SLC9A9: variants seen among roughly 807,000 people sequenced by gnomAD.
The protein encoded by SLC9A9 is solute carrier family 9 member A9.
In SLC9A9, 62 loss-of-function variants were observed where a neutral mutation model predicts 77.8. That is an observed-to-expected ratio of 0.80 (90% confidence interval 0.65 to 0.98). SLC9A9 has a LOEUF of 0.98. SLC9A9 is among the 50% of genes least tolerant of loss of function. The pLI is 0.00. For synonymous variants in SLC9A9, 320 were observed against 283.5 expected (o/e 1.13, Z -1.29); for missense variants, 775 against 774.9 (o/e 1.00, Z 0.00).
In SLC9A9 at chr3:143,652,309, G is replaced by A; in HGVS notation, c.701C>T (p.Thr234Ile). 6.2e-7 allele frequency: 1 copy of A among 1,613,438 alleles called. No individual in the cohort carries two copies. The highest frequency in any genetic ancestry group is 1.1e-5 in the South Asian group (1 of 90,892). The change falls in exon 6 of 16, where the codon ACA becomes ATA. Residue 234 changes from threonine (T) to isoleucine (I), a missense_variant. Coordinates refer to ENST00000316549, the MANE Select transcript of SLC9A9 (RefSeq NM_173653.4). ...HELHVDPDLY[T>I]LLFGESVLND... ...CAACACACTCTCTCCAAACAAGAGT[G>A]TGTACAGGTCAGGGTCGACGTGCAG...
intron 12 of SLC9A9, among the ~76,000 whole-genome samples, chr3:143,453,038 G>A (rs527993128): frequency 6.6e-6 from 1 of 152,062 alleles, no homozygotes; most frequent in South Asian, 2.1e-4. Context: ...AGGCAAGAAT[G>A]CGAAGTGAGC....
At chr3:143,665,743 A>G (rs1184528830) in intron 5 of SLC9A9, among the ~76,000 whole-genome samples, 1 of 152,248 alleles carries the variant, frequency 6.6e-6, no homozygotes, top group Non-Finnish European at 1.5e-5. Flanking sequence ...AGAAATGGAT[A>G]AATTCCTGGA....
intron 12 of SLC9A9, among the ~76,000 whole-genome samples, chr3:143,418,230 G>A (rs921671724): frequency 7.3e-5 from 11 of 151,584 alleles, no homozygotes; most frequent in African/African-American, 2.7e-4. Flanking sequence ...GAGGAAATAA[G>A]GAATCATAAC....
intron 13 of SLC9A9, among the ~76,000 whole-genome samples, chr3:143,366,275 T>A (rs1012665474): frequency 1.2e-4 from 18 of 152,222 alleles, no homozygotes; most frequent in Non-Finnish European, 8.8e-5. Flanking sequence ...TTTCAGTCAT[T>A]ATTTTTTCAA....
At chr3:143,455,451 T>C (rs1043139594) in intron 12 of SLC9A9, among the ~76,000 whole-genome samples, 7 of 152,220 alleles carry the variant, frequency 4.6e-5, no homozygotes. Context: ...ATCTACAAAA[T>C]GTCCTCCTGC....
chr3:143,426,982 C>A (rs756245381), intron 12 of SLC9A9, among the ~76,000 whole-genome samples: 2 of 152,218 alleles, frequency 1.3e-5, no homozygotes, highest in Non-Finnish European at 2.9e-5. Context: ...CCACACTTAA[C>A]AGCCGCTACA....
At chr3:143,776,224 T>G (rs1047209301) in intron 4 of SLC9A9, among the ~76,000 whole-genome samples, 3 of 152,226 alleles carry the variant, frequency 2.0e-5, no homozygotes, top group African/African-American at 2.4e-5. Flanking sequence ...TTTTAATACA[T>G]ATAATAGCAA....
At chr3:143,350,279 T>G (rs2032412127) in intron 14 of SLC9A9, among the ~76,000 whole-genome samples, 1 of 152,176 alleles carries the variant, frequency 6.6e-6, no homozygotes, top group Non-Finnish European at 1.5e-5. Flanking sequence ...ATACTTTTCC[T>G]TTCTATTCCC....
At chr3:143,517,131 C>T in intron 9 of SLC9A9, 3 of 1,554,550 alleles carry the variant, frequency 1.9e-6, no homozygotes, top group Non-Finnish European at 2.6e-6. Context: ...TACGCTTGAC[C>T]TCCAAATTTG....
intron 6 of SLC9A9, among the ~76,000 whole-genome samples, chr3:143,639,262 A>G (rs924237422): frequency 5.2e-4 from 79 of 152,324 alleles, no homozygotes; most frequent in East Asian, 3.9e-4. Context: ...AGATTATGTT[A>G]TTAGAAGCGA....
chr3:143,709,364 C>G (rs1483241300), intron 4 of SLC9A9, among the ~76,000 whole-genome samples: 1 of 151,984 alleles, frequency 6.6e-6, no homozygotes, highest in Non-Finnish European at 1.5e-5. Flanking sequence ...AATTAATACC[C>G]CTGGGGACTC....
chr3:143,697,714 A>ACACC (rs1244265028), intron 4 of SLC9A9, among the ~76,000 whole-genome samples: 92 of 140,446 alleles, frequency 6.6e-4, no homozygotes, highest in African/African-American at 2.2e-3. Flanking sequence ...ACACACACAC[A>ACACC]CCCCACATAC....
At chr3:143,331,880 G>T (rs2031782379) in intron 14 of SLC9A9, among the ~76,000 whole-genome samples, 2 of 152,134 alleles carry the variant, frequency 1.3e-5, no homozygotes, top group Admixed American at 6.5e-5. Context: ...TGGAGAGAGA[G>T]AAATTATATT....
At chr3:143,366,403 A>G (rs1005910906) in intron 13 of SLC9A9, among the ~76,000 whole-genome samples, 6 of 152,246 alleles carry the variant, frequency 3.9e-5, no homozygotes, top group Non-Finnish European at 8.8e-5. Context: ...AACAATTGGA[A>G]TTTTAGTCTA....
chr3:143,825,425 G>A (rs1576754440), intron 2 of SLC9A9, among the ~76,000 whole-genome samples: 3 of 145,170 alleles, frequency 2.1e-5, no homozygotes, highest in African/African-American at 5.0e-5. Flanking sequence ...AAAAAAAAAA[G>A]GACTTTGATT....
chr3:143,770,029 A>G (rs76259498), intron 4 of SLC9A9, among the ~76,000 whole-genome samples: 2,842 of 152,304 alleles, frequency 0.019, 88 homozygotes, highest in African/African-American at 0.063. Flanking sequence ...TCATGTTGAT[A>G]CTTTATCATT....
At chr3:143,767,035 A>G (rs985157199) in intron 4 of SLC9A9, among the ~76,000 whole-genome samples, 2 of 152,178 alleles carry the variant, frequency 1.3e-5, no homozygotes, top group African/African-American at 4.8e-5. Context: ...TAATACCACT[A>G]TGATCTGAGT....
chr3:143,336,124 T>C (rs77291765), intron 14 of SLC9A9, among the ~76,000 whole-genome samples: 2,997 of 152,272 alleles, frequency 0.02, 112 homozygotes, highest in African/African-American at 0.068. Flanking sequence ...TCAAAGAAGA[T>C]ATGCAAGTTA....
At position 143,266,718 on chromosome 3, in the gene SLC9A9, T is replaced by C. The variant is rs766340782; in HGVS notation, c.1922A>G (p.Gln641Arg). 1.2e-5 allele frequency: 19 copies of C among 1,614,188 alleles called. No homozygotes were observed. Among genetic ancestry groups the C allele is most frequent in the Non-Finnish European group, 1.6e-5 (19 of 1,180,034 alleles). The change falls in exon 16 of 16, where the codon CAA becomes CGA. Residue 641 changes from glutamine (Q) to arginine (R), a missense_variant. Physicochemically the swap from Gln to Arg is conservative, Grantham distance 43 (BLOSUM62 1). Coordinates refer to ENST00000316549, the MANE Select transcript of SLC9A9 (RefSeq NM_173653.4). ...YELKLEQTLG[Q>R]SQLN ...TCATGCCAATTAATTCAACTGGGATTGACCCAAAGTTTGCTCAAGCTTGAG... is the reference window on the plus strand; with the variant it reads ...TCATGCCAATTAATTCAACTGGGATCGACCCAAAGTTTGCTCAAGCTTGAG...
Sources: gnomAD v4.1 joint callset for allele counts (sites outside exome capture counted in the v4.1 genomes callset) on GRCh38, gnomAD v4.1.1 for gene constraint, MANE v1.5 for transcripts, NCBI Gene and HGNC (gene_info 2026-07-23, HGNC 2026-07-21) for gene names.